Variants in GALNT18 observed in about 807,000 individuals in gnomAD.
GALNT18 encodes the protein GalNAc-transferase 18.
A neutral mutation model predicts 69.5 loss-of-function variants in GALNT18; 44 were observed. The ratio of observed to expected loss-of-function variants is 0.63; its 90% CI spans 0.50 to 0.81. GALNT18 has a LOEUF of 0.81. Ranked by LOEUF, GALNT18 falls within the 40% of genes least tolerant of loss-of-function variation. GALNT18 has a pLI of 0.00. For synonymous variants in GALNT18, 364 were observed against 318.2 expected (o/e 1.14, Z -1.53); for missense variants, 715 against 810.0 (o/e 0.88, Z 1.42).
chr11:11,441,131 C>T (rs1300865437), intron 2 of GALNT18, among the ~76,000 whole-genome samples: 2 of 152,198 alleles, frequency 1.3e-5, no homozygotes, highest in Non-Finnish European at 2.9e-5. Context: ...TAGAACAAAG[C>T]TATCACCTCC....
In GALNT18 at chr11:11,470,638, C is replaced by G. The variant is rs780397190; in HGVS notation, c.236-21702G>C. Among the ~76,000 whole-genome samples, 16 of 152,002 alleles carry G rather than the reference C, an allele frequency of 1.1e-4. No individual in the cohort carries two copies. The highest frequency in any genetic ancestry group is 2.2e-4 in the Non-Finnish European group (15 of 68,028). On this transcript the variant is annotated intron_variant, in intron 1 of 10. Transcript: ENST00000227756. This position sits in a 1 kb window ranked among gnomAD's most constrained non-coding sequence, Gnocchi z 4.8. ...AAGCTAGCTGAGATATTGGCAGAGA[C>G]AGGGGATTGACTGAAAGACCCCTTT...
intron 1 of GALNT18, among the ~76,000 whole-genome samples, chr11:11,539,020 A>G (rs1857848881): frequency 6.6e-6 from 1 of 152,172 alleles, no homozygotes; most frequent in Non-Finnish European, 1.5e-5. Flanking sequence ...TCTCTGTGAC[A>G]TCTTTGGGCT....
At chr11:11,570,449 G>GC in intron 1 of GALNT18, among the ~76,000 whole-genome samples, 1 of 152,216 alleles carries the variant, frequency 6.6e-6, no homozygotes, top group East Asian at 1.9e-4. Context: ...CGGCCGTCCG[G>GC]CCCCTGCCCT....
rs541231521 is a variant in GALNT18, at chr11:11,444,019, G to A, written c.428+4725C>T. Among the ~76,000 whole-genome samples, 1 of 152,304 alleles carries A rather than the reference G, an allele frequency of 6.6e-6. No homozygotes were observed. Among genetic ancestry groups the A allele is most frequent in the African/African-American group, 2.4e-5 (1 of 41,560 alleles). On this transcript the variant is annotated intron_variant, in intron 2 of 10. Coordinates refer to ENST00000227756, the MANE Select transcript of GALNT18 (RefSeq NM_198516.3). The surrounding 1 kb of genome is among the most constrained non-coding windows in gnomAD (Gnocchi z 4.4). ...GATTAGGATGTGGACATCTTTGGGA[G>A]GCCATTATTCTGCCTATCCATGAAG...
At chr11:11,295,693 T>C (rs10831576) in intron 9 of GALNT18, among the ~76,000 whole-genome samples, 22,070 of 151,970 alleles carry the variant, frequency 0.15, 2,102 homozygotes, top group Admixed American at 0.22. Flanking sequence ...TCATTACAGC[T>C]AAGATCTGCT....
chr11:11,526,027 G>A (rs1003578136), intron 1 of GALNT18, among the ~76,000 whole-genome samples: 23 of 152,326 alleles, frequency 1.5e-4, no homozygotes, highest in Middle Eastern at 3.4e-3. Context: ...TCTGCCTGGA[G>A]TGGGGGAAAG....
At position 11,339,889 on chromosome 11, in the gene GALNT18, C is replaced by A. The variant is rs1222519457; in HGVS notation, c.1278+930G>T. ...TTGGTGTAGAGTTTAGGTAACAGGG[C>A]TTTCATATGATCACTTTGAGCGAAG... On this transcript the variant is annotated intron_variant, in intron 7 of 10. Coordinates refer to ENST00000227756, the MANE Select transcript of GALNT18 (RefSeq NM_198516.3). The surrounding 1 kb of genome is among the most constrained non-coding windows in gnomAD (Gnocchi z 5.2). 6.6e-6 allele frequency among the ~76,000 whole-genome samples: 1 copy of A among 152,226 alleles called. No individual in the cohort carries two copies. The highest frequency in any genetic ancestry group is 2.1e-4 in the South Asian group (1 of 4,824).
At chr11:11,488,622 T>A (rs1229220604) in intron 1 of GALNT18, among the ~76,000 whole-genome samples, 2 of 152,168 alleles carry the variant, frequency 1.3e-5, no homozygotes, top group Non-Finnish European at 2.9e-5. Context: ...ATAAGTGCTC[T>A]TTAACTGTTG....
At chr11:11,547,130 T>G (rs1051082047) in intron 1 of GALNT18, among the ~76,000 whole-genome samples, 1 of 152,200 alleles carries the variant, frequency 6.6e-6, no homozygotes, top group Non-Finnish European at 1.5e-5. Context: ...TTTAGCCTTG[T>G]GCATACACAT....
At position 11,617,360 on chromosome 11, in the gene GALNT18, T is replaced by TA. The variant is rs1272906742; in HGVS notation, c.235+3998dup. Among the ~76,000 whole-genome samples the TA allele has an allele frequency of 2.4e-4, 36 of 152,354 alleles. No homozygotes were observed. Among genetic ancestry groups the TA allele is most frequent in the African/African-American group, 7.7e-4 (32 of 41,578 alleles). ...AGGACCAAGAGTGCCCATACTCCTG[T>TA]AGAGTGTCTCTAGTATACAGTTCAC... is the stretch of plus-strand genomic sequence containing the variant. On this transcript the variant is annotated intron_variant, in intron 1 of 10. Coordinates refer to ENST00000227756, the MANE Select transcript of GALNT18 (RefSeq NM_198516.3). This position sits in a 1 kb window ranked among gnomAD's most constrained non-coding sequence, Gnocchi z 4.7.
At chr11:11,531,670 T>A (rs1393561307) in intron 1 of GALNT18, among the ~76,000 whole-genome samples, 4 of 152,190 alleles carry the variant, frequency 2.6e-5, no homozygotes, top group Non-Finnish European at 5.9e-5. Context: ...CCAGGCAGCA[T>A]CGCTTCCAAA....
intron 3 of GALNT18, among the ~76,000 whole-genome samples, chr11:11,424,100 T>G (rs1280827736): frequency 6.6e-6 from 1 of 152,176 alleles, no homozygotes; most frequent in Non-Finnish European, 1.5e-5. Context: ...GGGAAACCCT[T>G]CCTGGCCAAG....
chr11:11,609,822 T>C (rs1859852164), intron 1 of GALNT18, among the ~76,000 whole-genome samples: 1 of 152,136 alleles, frequency 6.6e-6, no homozygotes, highest in African/African-American at 2.4e-5. Flanking sequence ...TTCCCTCAAT[T>C]AAATGGGAAG....
At chr11:11,490,227 T>TAACACACACA (rs879361945) in intron 1 of GALNT18, among the ~76,000 whole-genome samples, 61 of 74,476 alleles carry the variant, frequency 8.2e-4, no homozygotes, top group African/African-American at 1.9e-3. Flanking sequence ...TCTCTCTCTC[T>TAACACACACA]CTCTCTAACA....
rs1444801421 is a variant in GALNT18, at chr11:11,583,995, G to C, written c.235+37364C>G. On this transcript the variant is annotated intron_variant, in intron 1 of 10. Transcript: ENST00000227756. The surrounding 1 kb of genome is among the most constrained non-coding windows in gnomAD (Gnocchi z 4.7). ...TGAAATAGAGATGAACTGAATTCTT[G>C]TGAGGACATAGGAATTCGAAAAGGA... is the stretch of plus-strand genomic sequence containing the variant. 6.6e-6 allele frequency among the ~76,000 whole-genome samples: 1 copy of C among 152,148 alleles called. No individual in the cohort carries two copies. Among genetic ancestry groups the C allele is most frequent in the Admixed American group, 6.5e-5 (1 of 15,278 alleles).
At chr11:11,313,378 C>A (rs1849701148) in intron 9 of GALNT18, among the ~76,000 whole-genome samples, 1 of 152,196 alleles carries the variant, frequency 6.6e-6, no homozygotes, top group South Asian at 2.1e-4. Flanking sequence ...TCTTAGAAAC[C>A]TGCCATCAGT....
chr11:11,348,055 T>G (rs1850333187), intron 6 of GALNT18, among the ~76,000 whole-genome samples: 1 of 146,496 alleles, frequency 6.8e-6, no homozygotes, highest in Admixed American at 7.1e-5. Flanking sequence ...ACTCACCTCA[T>G]TCTATCCTGG....
intron 9 of GALNT18, among the ~76,000 whole-genome samples, chr11:11,294,083 C>T (rs1327617970): frequency 1.3e-5 from 2 of 152,176 alleles, no homozygotes; most frequent in African/African-American, 4.8e-5. Context: ...GGACTCAGCA[C>T]ATAGCTGTAC....
At chr11:11,585,791 T>C (rs948733497) in intron 1 of GALNT18, among the ~76,000 whole-genome samples, 7 of 145,282 alleles carry the variant, frequency 4.8e-5, no homozygotes, top group African/African-American at 1.8e-4. Flanking sequence ...AAGGCCACTC[T>C]TCTCAATAAG....
Sources: gnomAD v4.1 joint callset for allele counts (sites outside exome capture counted in the v4.1 genomes callset) on GRCh38, gnomAD v4.1.1 for gene constraint, Gnocchi (gnomAD v3.1) non-coding constraint, MANE v1.5 for transcripts, NCBI Gene and HGNC (gene_info 2026-07-23, HGNC 2026-07-21) for gene names.